Variants in EYA4 observed in about 807,000 individuals in gnomAD.
EYA4 encodes the protein EYA transcriptional coactivator and phosphatase 4, also known as protein phosphatase EYA4.
A neutral mutation model predicts 87.9 loss-of-function variants in EYA4; 31 were observed. That is an observed-to-expected ratio of 0.35 (90% CI 0.27 to 0.48). The LOEUF is 0.48. Ranked by LOEUF, EYA4 falls within the 20% of genes least tolerant of loss-of-function variation. EYA4 has a pLI of 0.99. For synonymous variants in EYA4, 263 were observed against 270.6 expected (o/e 0.97, Z 0.28); for missense variants, 678 against 761.4 (o/e 0.89, Z 1.29).
intron 2 of EYA4, among the ~76,000 whole-genome samples, chr6:133,318,060 C>T (rs1000051989): frequency 6.6e-6 from 1 of 152,148 alleles, no homozygotes; most frequent in African/African-American, 2.4e-5. Flanking sequence ...ATAAATAATA[C>T]ATATTTGTAG....
intron 13 of EYA4, among the ~76,000 whole-genome samples, chr6:133,501,556 A>C (rs186156462): frequency 1.3e-3 from 205 of 152,242 alleles, no homozygotes; most frequent in African/African-American, 4.5e-3. Context: ...ATTTCATTTT[A>C]TCTCTTATGA....
chr6:133,393,924 T>C (rs1473629292), intron 3 of EYA4, among the ~76,000 whole-genome samples: 1 of 152,174 alleles, frequency 6.6e-6, no homozygotes, highest in East Asian at 1.9e-4. Context: ...AAAGTTTCAG[T>C]CTTAAATATA....
At chr6:133,414,010 G>T (rs920888757) in intron 3 of EYA4, among the ~76,000 whole-genome samples, 4 of 151,994 alleles carry the variant, frequency 2.6e-5, no homozygotes, top group African/African-American at 9.7e-5. Context: ...AAAATTTCTA[G>T]AATCTATTGA....
intron 3 of EYA4, among the ~76,000 whole-genome samples, chr6:133,397,435 A>G (rs1192338601): frequency 6.6e-6 from 1 of 152,086 alleles, no homozygotes; most frequent in African/African-American, 2.4e-5. Flanking sequence ...CAAATTCTTG[A>G]TATTAGGGCA....
intron 2 of EYA4, among the ~76,000 whole-genome samples, chr6:133,345,700 T>A (rs1246762355): frequency 1.3e-5 from 2 of 152,236 alleles, no homozygotes; most frequent in South Asian, 2.1e-4. Context: ...ATAATTAAAT[T>A]GTTAATCTGT....
At chr6:133,448,997 A>G (rs1347000936) in intron 5 of EYA4, among the ~76,000 whole-genome samples, 2 of 152,214 alleles carry the variant, frequency 1.3e-5, no homozygotes, top group African/African-American at 4.8e-5. Flanking sequence ...TCAGTGAAGA[A>G]AAACTACTTC....
intron 1 of EYA4, among the ~76,000 whole-genome samples, chr6:133,257,280 CAACA>C (rs1322165286): frequency 6.6e-6 from 1 of 152,078 alleles, no homozygotes; most frequent in Non-Finnish European, 1.5e-5. Context: ...AAACTGTGCC[CAACA>C]TTCCTGACTT....
At chr6:133,400,736 G>T (rs1788193043) in intron 3 of EYA4, among the ~76,000 whole-genome samples, 4 of 151,912 alleles carry the variant, frequency 2.6e-5, no homozygotes, top group Admixed American at 2.6e-4. Flanking sequence ...AAATACCTTG[G>T]AGATATCTTA....
At chr6:133,294,062 T>TATATATATATATATATAAA (rs71003632) in intron 2 of EYA4, among the ~76,000 whole-genome samples, 3 of 105,162 alleles carry the variant, frequency 2.9e-5, no homozygotes, top group Non-Finnish European at 4.1e-5. Flanking sequence ...TATATATATA[T>TATATATATATATATATAAA]AATTCTATTC....
chr6:133,328,364 T>G (rs1381833845), intron 2 of EYA4, among the ~76,000 whole-genome samples: 5 of 152,140 alleles, frequency 3.3e-5, no homozygotes, highest in Non-Finnish European at 7.4e-5. Context: ...TGTCAGAAAA[T>G]TAAATAAACT....
chr6:133,395,527 A>G (rs1787709065), intron 3 of EYA4, among the ~76,000 whole-genome samples: 1 of 152,224 alleles, frequency 6.6e-6, no homozygotes, highest in Non-Finnish European at 1.5e-5. Context: ...TGGGAGGCCA[A>G]GGCAGGCAGA....
chr6:133,259,528 A>C (rs1360820022), intron 1 of EYA4, among the ~76,000 whole-genome samples: 1 of 152,220 alleles, frequency 6.6e-6, no homozygotes, highest in Non-Finnish European at 1.5e-5. Context: ...CAAATGCTAC[A>C]GGGGAATTTA....
intron 2 of EYA4, among the ~76,000 whole-genome samples, chr6:133,289,630 G>A (rs1778327236): frequency 6.6e-6 from 1 of 152,068 alleles, no homozygotes; most frequent in South Asian, 2.1e-4. Flanking sequence ...TGTTTTCCTT[G>A]GATATTAGCA....
intron 6 of EYA4, among the ~76,000 whole-genome samples, chr6:133,460,035 A>G (rs1456025790): frequency 6.6e-6 from 1 of 152,138 alleles, no homozygotes; most frequent in Non-Finnish European, 1.5e-5. Flanking sequence ...TATATATAGA[A>G]ATATATCATG....
chr6:133,363,563 C>T (rs1784621375), intron 2 of EYA4, among the ~76,000 whole-genome samples: 1 of 151,408 alleles, frequency 6.6e-6, no homozygotes, highest in South Asian at 2.1e-4. Context: ...CAGGCTCCGC[C>T]TCCCGGGTTC....
chr6:133,423,679 C>A (rs1197454483), intron 3 of EYA4, among the ~76,000 whole-genome samples: 1 of 152,076 alleles, frequency 6.6e-6, no homozygotes. Flanking sequence ...AACCATCAGC[C>A]GCCACATAAA....
chr6:133,501,489 C>T (rs560942081), intron 13 of EYA4, among the ~76,000 whole-genome samples: 1 of 152,230 alleles, frequency 6.6e-6, no homozygotes, highest in Non-Finnish European at 1.5e-5. Context: ...AGCCCACTAC[C>T]TATCCATCAT....
intron 2 of EYA4, among the ~76,000 whole-genome samples, chr6:133,287,518 A>G (rs1000147318): frequency 4.7e-5 from 7 of 148,890 alleles, no homozygotes; most frequent in Admixed American, 1.3e-4. Context: ...GCAGTGGGAA[A>G]TCTGGCTGAG....
At chr6:133,359,260 A>G (rs1017067110) in intron 2 of EYA4, among the ~76,000 whole-genome samples, 2 of 152,148 alleles carry the variant, frequency 1.3e-5, no homozygotes, top group African/African-American at 2.4e-5. Context: ...GGGAGGATGA[A>G]AGCTCCAGCC....
Sources: gnomAD v4.1 joint callset for allele counts (sites outside exome capture counted in the v4.1 genomes callset) on GRCh38, gnomAD v4.1.1 for gene constraint, MANE v1.5 for transcripts, NCBI Gene and HGNC (gene_info 2026-07-23, HGNC 2026-07-21) for gene names.